EFR3A: variants seen among roughly 807,000 people sequenced by gnomAD.
EFR3A encodes protein EFR3 homolog A.
A neutral mutation model predicts 104.4 loss-of-function variants in EFR3A; 76 were observed. That is an observed-to-expected ratio of 0.73 (90% confidence interval 0.60 to 0.88). The LOEUF is 0.88. EFR3A is among the 40% of genes least tolerant of loss of function. The pLI, the probability that EFR3A is intolerant of heterozygous loss-of-function variation, is 0.00. For synonymous variants in EFR3A, 330 were observed against 330.0 expected (o/e 1.00, Z 0.00); for missense variants, 985 against 1,012.5 (o/e 0.97, Z 0.37).
intron 10 of EFR3A, among the ~76,000 whole-genome samples, chr8:131,971,434 A>G (rs1450341089): frequency 6.6e-6 from 1 of 152,142 alleles, no homozygotes. Flanking sequence ...CACACCTGTA[A>G]TCCCAGCACT....
At chr8:131,922,491 CT>C (rs1312071863) in intron 1 of EFR3A, among the ~76,000 whole-genome samples, 1 of 152,054 alleles carries the variant, frequency 6.6e-6, no homozygotes, top group East Asian at 1.9e-4. Flanking sequence ...ATCTGAAACA[CT>C]TCTGGTCTCA....
At position 131,987,625 on chromosome 8, in the gene EFR3A, A is replaced by C. The variant is rs767048163; in HGVS notation, c.1988A>C (p.Asn663Thr). The C allele has an allele frequency of 6.3e-7, 1 of 1,598,100 alleles. No homozygotes were observed. The highest frequency in any genetic ancestry group is 1.1e-5 in the South Asian group (1 of 88,484). The change falls in exon 18 of 23, where the codon AAC becomes ACC. Residue 663 changes from asparagine to threonine, a missense_variant. Transcript: ENST00000254624. ...GAAAAAGATTTGTACTTTCTGACCA[A>C]CAAGATTGCAGAGTCGCTAGGTGGA... ...KHEKDLYFLT[N>T]KIAESLGGSG...
At chr8:131,983,795 A>G (rs940269787) in intron 14 of EFR3A, among the ~76,000 whole-genome samples, 1 of 152,188 alleles carries the variant, frequency 6.6e-6, no homozygotes, top group African/African-American at 2.4e-5. Context: ...AAAGTGTCTC[A>G]GGATTCTGCC....
chr8:131,994,249 GAAA>G (rs1037343597), intron 18 of EFR3A, among the ~76,000 whole-genome samples: 1 of 138,796 alleles, frequency 7.2e-6, no homozygotes, highest in Non-Finnish European at 1.6e-5. Flanking sequence ...GTCTCAGGAA[GAAA>G]AAAAAAAAAG....
At chr8:131,937,732 T>G (rs995710189) in intron 1 of EFR3A, among the ~76,000 whole-genome samples, 3 of 151,742 alleles carry the variant, frequency 2.0e-5, no homozygotes, top group African/African-American at 7.3e-5. Flanking sequence ...TTATATTGCT[T>G]AGACTTGCCA....
intron 1 of EFR3A, chr8:131,940,216 G>C: frequency 2.9e-6 from 1 of 344,752 alleles, no homozygotes; most frequent in South Asian, 4.0e-5. Flanking sequence ...ACATCAGAAA[G>C]GAGGTAAAGG....
At position 132,012,780 on chromosome 8, in the gene EFR3A, A is replaced by G. The variant is rs932443455; in HGVS notation, c.*1885A>G. The G allele has an allele frequency of 6.6e-6, 1 of 152,310 alleles. No individual in the cohort carries two copies. Among genetic ancestry groups the G allele is most frequent in the Non-Finnish European group, 1.5e-5 (1 of 68,000 alleles). 9.4% of individuals were successfully genotyped at this position (152,310 alleles called of 1,614,324 possible). A position where few individuals can be genotyped will look rare whatever the true frequency, so the allele number is the denominator to read the frequency against. ...TTTAATAGTATAAAAAATAAAATAT[A>G]TATTCATTTGCACTTACGTGAAACA... On this transcript the variant is annotated 3_prime_UTR_variant, in exon 23 of 23. Transcript: ENST00000254624.
At chr8:132,003,646 A>G (rs1026317721) in intron 22 of EFR3A, among the ~76,000 whole-genome samples, 1 of 152,214 alleles carries the variant, frequency 6.6e-6, no homozygotes, top group Non-Finnish European at 1.5e-5. Flanking sequence ...CAGAAACTGC[A>G]TTTTAATATG....
intron 22 of EFR3A, among the ~76,000 whole-genome samples, chr8:132,007,255 C>T (rs1822100100): frequency 6.6e-6 from 1 of 151,540 alleles, no homozygotes; most frequent in African/African-American, 2.4e-5. Flanking sequence ...GAAAAAAAAC[C>T]CTACTAGAGT....
chr8:131,929,768 C>T (rs2130492476), intron 1 of EFR3A, among the ~76,000 whole-genome samples: 1 of 152,096 alleles, frequency 6.6e-6, no homozygotes, highest in South Asian at 2.1e-4. Flanking sequence ...TTTTGGTTTT[C>T]AGAGGGTAGC....
intron 6 of EFR3A, among the ~76,000 whole-genome samples, chr8:131,954,884 C>G (rs995975621): frequency 1.3e-5 from 2 of 151,974 alleles, no homozygotes; most frequent in Admixed American, 6.6e-5. Flanking sequence ...ATTGATAACT[C>G]TATGGTAACA....
chr8:131,993,706 G>GAA (rs201311385), intron 18 of EFR3A, among the ~76,000 whole-genome samples: 2 of 119,592 alleles, frequency 1.7e-5, no homozygotes, highest in Non-Finnish European at 1.8e-5. Flanking sequence ...ACCAGCTTGA[G>GAA]AAAAAAAAAA....
chr8:131,913,595 T>A (rs1331433860), intron 1 of EFR3A, among the ~76,000 whole-genome samples: 1 of 152,214 alleles, frequency 6.6e-6, no homozygotes, highest in Non-Finnish European at 1.5e-5. Flanking sequence ...TATTCTTAGT[T>A]GGTGAGTTAT....
At chr8:131,986,555 G>A (rs182443940) in intron 17 of EFR3A, among the ~76,000 whole-genome samples, 74 of 152,130 alleles carry the variant, frequency 4.9e-4, no homozygotes, top group Middle Eastern at 3.4e-3. Flanking sequence ...ACGCTGAGGC[G>A]GGTGAATCAC....
At chr8:132,001,950 T>C in intron 20 of EFR3A, 143 bp downstream of exon 20, 1 of 682,650 alleles carries the variant, frequency 1.5e-6, no homozygotes, top group South Asian at 1.9e-5. Flanking sequence ...GTATCATTTA[T>C]TTAGCTACAT....
intron 1 of EFR3A, among the ~76,000 whole-genome samples, chr8:131,936,530 CTCTCTCTG>C (rs963223914): frequency 1.8e-4 from 27 of 152,000 alleles, no homozygotes; most frequent in Non-Finnish European, 2.9e-4. Context: ...CACACACATG[CTCTCTCTG>C]TCTCTCTGTC....
At chr8:131,970,197 T>C (rs1014093624) in intron 9 of EFR3A, among the ~76,000 whole-genome samples, 14 of 152,224 alleles carry the variant, frequency 9.2e-5, no homozygotes, top group Non-Finnish European at 1.9e-4. Context: ...AAGTTTTTGG[T>C]AATTCTTATA....
At chr8:132,010,405 GAGAT>G (rs768825765) in intron 22 of EFR3A, among the ~76,000 whole-genome samples, 2,203 of 87,902 alleles carry the variant, frequency 0.025, 129 homozygotes, top group East Asian at 0.16. Context: ...AATCAAGTAT[GAGAT>G]ATATATATAT....
intron 10 of EFR3A, among the ~76,000 whole-genome samples, chr8:131,974,368 G>C (rs1331049112): frequency 1.3e-5 from 2 of 152,184 alleles, no homozygotes; most frequent in Non-Finnish European, 2.9e-5. Context: ...CTGTAGTTAG[G>C]TGCTGTGGTA....
Sources: allele counts gnomAD v4.1 joint callset (sites outside exome capture counted in the v4.1 genomes callset), GRCh38; gene constraint gnomAD v4.1.1; transcripts MANE v1.5; gene names NCBI Gene and HGNC (gene_info 2026-07-23, HGNC 2026-07-21).